The following MLIP variants were observed in gnomAD, a reference collection of about 807,000 sequenced individuals.
The protein encoded by MLIP is muscular LMNA interacting protein, also known as muscular LMNA-interacting protein.
In MLIP, 79 loss-of-function variants were observed where a neutral mutation model predicts 84.8. The ratio of observed to expected loss-of-function variants is 0.93; its 90% CI spans 0.78 to 1.12. The LOEUF (loss-of-function observed/expected upper bound fraction) is 1.12, where lower values mean the gene tolerates loss of function less well. Ranked by LOEUF, MLIP falls within the 50% of genes most tolerant of loss-of-function variation. The pLI is 0.00. For missense variants in MLIP, 1,257 were observed against 1,160.6 expected, an observed-to-expected ratio of 1.08 and a Z score of -1.21; for synonymous variants, 504 against 463.0, an observed-to-expected ratio of 1.09 and a Z score of -1.14.
chr6:54,057,945 A>G (rs1378338829), intron 1 of MLIP: 2 of 152,168 alleles, frequency 1.3e-5, no homozygotes, highest in African/African-American at 2.4e-5. Flanking sequence ...AGAAAATCTG[A>G]CCTGTAATAA....
At chr6:54,116,594 C>G (rs1215364033) in intron 1 of MLIP, among the ~76,000 whole-genome samples, 1 of 152,142 alleles carries the variant, frequency 6.6e-6, no homozygotes, top group African/African-American at 2.4e-5. Flanking sequence ...AAAGTTGAAT[C>G]AGCAATAAAA....
At chr6:54,263,731 C>T (rs963617840) in intron 13 of MLIP, among the ~76,000 whole-genome samples, 3 of 147,410 alleles carry the variant, frequency 2.0e-5, no homozygotes, top group South Asian at 4.2e-4. Context: ...AAAAAAAAAC[C>T]AAGATTTTGA....
intron 11 of MLIP, chr6:54,217,606 A>T: frequency 1.0e-6 from 1 of 983,738 alleles, no homozygotes; most frequent in Non-Finnish European, 1.2e-6. Flanking sequence ...TGATAGTATC[A>T]TCTCAAAAAT....
At chr6:54,234,374 A>C (rs1466086135) in intron 12 of MLIP, among the ~76,000 whole-genome samples, 1 of 152,068 alleles carries the variant, frequency 6.6e-6, no homozygotes, top group African/African-American at 2.4e-5. Context: ...TGAAAAACAT[A>C]TAAAAGTTAG....
chr6:54,252,509 TATAAC>T (rs1324713673), intron 12 of MLIP, among the ~76,000 whole-genome samples: 1 of 142,218 alleles, frequency 7.0e-6, no homozygotes, highest in African/African-American at 2.6e-5. Flanking sequence ...TATAATATAT[TATAAC>T]ATATAATATA....
At chr6:54,106,788 G>T (rs1033272608), upstream of MLIP, among the ~76,000 whole-genome samples, 3 of 152,158 alleles carry the variant, frequency 2.0e-5, no homozygotes, top group African/African-American at 7.2e-5. Context: ...TTCCAATAAT[G>T]ATGTTAATTG....
intron 1 of MLIP, among the ~76,000 whole-genome samples, chr6:54,113,875 G>T (rs552706796): frequency 1.3e-5 from 2 of 152,136 alleles, no homozygotes; most frequent in East Asian, 3.9e-4. Flanking sequence ...GAACTCCATG[G>T]TCAATCATTT....
intron 11 of MLIP, among the ~76,000 whole-genome samples, chr6:54,230,101 G>A (rs1278695766): frequency 6.6e-6 from 1 of 152,026 alleles, no homozygotes; most frequent in Non-Finnish European, 1.5e-5. Context: ...TCCTCTATTT[G>A]TTGCACCACC....
intron 10 of MLIP, among the ~76,000 whole-genome samples, chr6:54,193,737 A>C (rs963169100): frequency 2.0e-5 from 3 of 152,140 alleles, no homozygotes; most frequent in African/African-American, 7.2e-5. Context: ...AAGTTTTCAC[A>C]GCTGTGAATA....
intron 1 of MLIP, among the ~76,000 whole-genome samples, chr6:54,040,535 C>A (rs1764684016): frequency 6.6e-6 from 1 of 152,056 alleles, no homozygotes; most frequent in Admixed American, 6.6e-5. Flanking sequence ...AACAGAACTA[C>A]CTTTTGACCC....
chr6:54,131,323 A>G (rs1771358841), intron 3 of MLIP, among the ~76,000 whole-genome samples: 1 of 152,178 alleles, frequency 6.6e-6, no homozygotes, highest in African/African-American at 2.4e-5. Context: ...AAAGCCAGCA[A>G]CAGAGAAAAA....
upstream of MLIP, among the ~76,000 whole-genome samples, chr6:54,108,874 G>T (rs528675508): frequency 6.6e-6 from 1 of 151,964 alleles, no homozygotes; most frequent in Non-Finnish European, 1.5e-5. Flanking sequence ...CATAGAAGAA[G>T]AGTTTCATAG....
upstream of MLIP, among the ~76,000 whole-genome samples, chr6:54,109,920 T>TTCCTTC (rs1554150485): frequency 7.7e-5 from 4 of 52,160 alleles, no homozygotes; most frequent in East Asian, 1.8e-3. Context: ...TTTCTTTCTT[T>TTCCTTC]CTTTCTTCCT....
chr6:54,078,286 C>A (rs1387908685), intron 1 of MLIP, among the ~76,000 whole-genome samples: 1 of 152,152 alleles, frequency 6.6e-6, no homozygotes, highest in Non-Finnish European at 1.5e-5. Context: ...AGTTTAGAAA[C>A]ATAGGCATAG....
At chr6:54,151,625 G>A (rs543074019) in intron 5 of MLIP, among the ~76,000 whole-genome samples, 26 of 152,112 alleles carry the variant, frequency 1.7e-4, no homozygotes, top group Admixed American at 2.0e-4. Context: ...ATAATACTTG[G>A]GTAGGGTCCA....
chr6:54,217,706 C>T (rs1779945869), intron 11 of MLIP: 2 of 984,846 alleles, frequency 2.0e-6, no homozygotes, highest in Non-Finnish European at 2.4e-6. Flanking sequence ...GAGGACAATT[C>T]TCAAGTGACT....
At chr6:54,147,411 T>A (rs1561982698) in intron 4 of MLIP, among the ~76,000 whole-genome samples, 1 of 152,166 alleles carries the variant, frequency 6.6e-6, no homozygotes, top group Non-Finnish European at 1.5e-5. Context: ...TTTTCAAATA[T>A]CTTGTTGTCT....
intron 11 of MLIP, among the ~76,000 whole-genome samples, chr6:54,227,400 T>A (rs888701010): frequency 1.3e-5 from 2 of 151,640 alleles, no homozygotes; most frequent in Admixed American, 1.3e-4. Context: ...AAGTCCAACA[T>A]CCAGAAAGAG....
At chr6:54,254,882 CT>C (rs1296538978) in intron 12 of MLIP, among the ~76,000 whole-genome samples, 1 of 150,510 alleles carries the variant, frequency 6.6e-6, no homozygotes, top group Non-Finnish European at 1.5e-5. Context: ...GCCACAGTAA[CT>C]TTTTTTGAAA....
Sources: gnomAD v4.1 joint callset for allele counts (sites outside exome capture counted in the v4.1 genomes callset) on GRCh38, gnomAD v4.1.1 for gene constraint, MANE v1.5 for transcripts, NCBI Gene and HGNC (gene_info 2026-07-23, HGNC 2026-07-21) for gene names.